The following ZNF273 variants were observed in gnomAD, a reference collection of about 807,000 sequenced individuals.
ZNF273 encodes zinc finger protein 9.
Under a neutral mutation model 14.9 loss-of-function variants are expected in ZNF273, and 11 were observed. The observed-to-expected ratio is 0.74, with a 90% CI of 0.46 to 1.22. The LOEUF is 1.22. ZNF273 is among the 50% of genes most tolerant of loss of function. ZNF273 has a pLI of 0.00. For synonymous variants in ZNF273, 199 were observed against 223.9 expected, an observed-to-expected ratio of 0.89 and a Z score of 0.99; for missense variants, 577 against 660.6, an observed-to-expected ratio of 0.87 and a Z score of 1.39.
Position 64,928,711 on chromosome 7 carries a change from A to C in ZNF273, c.1383A>C (p.Glu461Asp), listed in dbSNP as rs2017252. ...CTGGAGCAAAACCTTACAAATGTGA[A>C]GAATGTGGCAGTGCCTTTAGGGCAT... ...IHTGAKPYKC[E>D]ECGSAFRAFS... The change falls in exon 4 of 4, where the codon GAA becomes GAC. Residue 461 changes from glutamate to aspartate, a missense_variant. Transcript: ENST00000476120. 759,910 of 1,612,736 alleles carry C rather than the reference A, an allele frequency of 0.47. 180,515 individuals carry two copies. Among genetic ancestry groups the C allele is most frequent in the Admixed American group, 0.52 (31,371 of 59,948 alleles).
In ZNF273 at chr7:64,929,165, A is replaced by C. The variant is rs1794914940; in HGVS notation, c.*127A>C. On this transcript the variant is annotated 3_prime_UTR_variant, in exon 4 of 4. Transcript: ENST00000476120. ...TTGCACAGGAAAGCATTTATACTTGAGAAAAATTGTATAAAGAATGGAAAA... is the reference window on the plus strand; with the variant it reads ...TTGCACAGGAAAGCATTTATACTTGCGAAAAATTGTATAAAGAATGGAAAA... 5 of 20,926 alleles carry C rather than the reference A, an allele frequency of 2.4e-4. No individual in the cohort carries two copies. The highest frequency in any genetic ancestry group is 3.9e-4 in the Non-Finnish European group (5 of 12,952). The allele number at this position is 20,926 out of a possible 1,614,324, so 1.3% of individuals were successfully genotyped here. A position where few individuals can be genotyped will look rare whatever the true frequency, so the allele number is the denominator to read the frequency against.
exon 2 of ZNF273, chr7:64,888,865 A>G: frequency 1.0e-6 from 1 of 985,980 alleles, no homozygotes; most frequent in Non-Finnish European, 1.2e-6. Context: ...AGCCATGTTC[A>G]TCTATCTGCC....
At chr7:64,898,019 A>G (rs1830077) in exon 4 of ZNF273, 139,328 of 152,190 alleles carry the variant, frequency 0.92, 64,068 homozygotes, top group South Asian at 0.97. Context: ...GAGCCACCGC[A>G]CCCGGCCTCA....
upstream of ZNF273, among the ~76,000 whole-genome samples, chr7:64,902,139 A>C (rs1326937381): frequency 6.6e-6 from 1 of 150,534 alleles, no homozygotes; most frequent in East Asian, 1.9e-4. Flanking sequence ...GAATATTAGA[A>C]TATTTGAATT....
downstream of ZNF273, chr7:64,882,668 A>G (rs1312752674): frequency 6.6e-6 from 1 of 152,320 alleles, no homozygotes; most frequent in Non-Finnish European, 1.5e-5. Flanking sequence ...GATCTAGGAC[A>G]GGGCAGGGGC....
chr7:64,887,205 G>A (rs1166192286), intron 1 of ZNF273, among the ~76,000 whole-genome samples: 1 of 152,250 alleles, frequency 6.6e-6, no homozygotes, highest in Non-Finnish European at 1.5e-5. Flanking sequence ...TGGAGGCCAT[G>A]CTGTGAATGT....
At chr7:64,915,319 A>G (rs13231895) in intron 1 of ZNF273, among the ~76,000 whole-genome samples, 60,393 of 131,408 alleles carry the variant, frequency 0.46, 13,505 homozygotes, top group Admixed American at 0.52. Context: ...GGAATTAAAG[A>G]CACACACAGA....
intron 1 of ZNF273, among the ~76,000 whole-genome samples, chr7:64,886,233 T>C (rs1018791109): frequency 1.3e-5 from 2 of 152,178 alleles, no homozygotes; most frequent in Non-Finnish European, 2.9e-5. Context: ...CTTTACTCAG[T>C]TGAATGAGCC....
intron 3 of ZNF273, among the ~76,000 whole-genome samples, chr7:64,896,857 G>T (rs1583972321): frequency 6.6e-6 from 1 of 152,072 alleles, no homozygotes. Context: ...AAAAGGGGAA[G>T]TGGATTCCTC....
upstream of ZNF273, among the ~76,000 whole-genome samples, chr7:64,901,054 G>A (rs1792683745): frequency 6.6e-6 from 1 of 151,536 alleles, no homozygotes; most frequent in South Asian, 2.1e-4. Flanking sequence ...CCAGGCTGGA[G>A]TGCAGTGGCT....
At chr7:64,916,859 GATTT>G (rs1235983310) in intron 1 of ZNF273, among the ~76,000 whole-genome samples, 4 of 151,158 alleles carry the variant, frequency 2.6e-5, no homozygotes, top group Non-Finnish European at 4.4e-5. Flanking sequence ...CTCTCTGACA[GATTT>G]ATTTTTCTTA....
At chr7:64,916,227 A>G (rs1252675985) in intron 1 of ZNF273, among the ~76,000 whole-genome samples, 1 of 152,016 alleles carries the variant, frequency 6.6e-6, no homozygotes. Flanking sequence ...GTTGAAGACT[A>G]CTTAAAATTA....
downstream of ZNF273, chr7:64,889,484 G>T (rs1054178728): frequency 3.0e-6 from 3 of 985,942 alleles, no homozygotes; most frequent in Non-Finnish European, 3.6e-6. The surrounding 1 kb of genome is among the most constrained non-coding windows in gnomAD (Gnocchi z 4.2). Context: ...CGGGACGCCA[G>T]GTTCCCGGTT....
At chr7:64,889,119 G>A, downstream of ZNF273, 1 of 985,962 alleles carries the variant, frequency 1.0e-6, no homozygotes, top group Non-Finnish European at 1.2e-6. The surrounding 1 kb of genome is among the most constrained non-coding windows in gnomAD (Gnocchi z 4.2). Context: ...GAGCCAAGCA[G>A]GGATCCGGGC....
chr7:64,894,312 T>TA (rs1792231291), downstream of ZNF273, among the ~76,000 whole-genome samples: 2 of 124,278 alleles, frequency 1.6e-5, no homozygotes, highest in East Asian at 2.2e-4. Flanking sequence ...GCCAATCATT[T>TA]GTTTTTTTAA....
At chr7:64,916,974 G>C (rs1794051624) in intron 1 of ZNF273, 1 of 1,222,316 alleles carries the variant, frequency 8.2e-7, no homozygotes, top group Non-Finnish European at 1.0e-6. Flanking sequence ...TCTTTCTTAG[G>C]TTTCCTTTGT....
At chr7:64,881,543 A>T (rs1442085701), downstream of ZNF273, among the ~76,000 whole-genome samples, 8 of 152,340 alleles carry the variant, frequency 5.3e-5, no homozygotes, top group Non-Finnish European at 1.0e-4. Flanking sequence ...GATGAGAAGC[A>T]GGCAACAGTG....
downstream of ZNF273, among the ~76,000 whole-genome samples, chr7:64,935,436 A>G (rs1392925461): frequency 6.6e-6 from 1 of 151,994 alleles, no homozygotes; most frequent in African/African-American, 2.4e-5. Flanking sequence ...CTTGAGGTGC[A>G]TTTGTCCTAT....
intron 1 of ZNF273, among the ~76,000 whole-genome samples, chr7:64,905,081 G>A (rs1052687441): frequency 1.3e-5 from 2 of 149,582 alleles, no homozygotes; most frequent in African/African-American, 2.5e-5. Flanking sequence ...GGTGGATGTC[G>A]TGGGGCTGAG....
Sources: gnomAD v4.1 joint callset for allele counts (sites outside exome capture counted in the v4.1 genomes callset) on GRCh38, gnomAD v4.1.1 for gene constraint, Gnocchi (gnomAD v3.1) non-coding constraint, MANE v1.5 for transcripts, NCBI Gene and HGNC (gene_info 2026-07-23, HGNC 2026-07-21) for gene names.